Variants in LIN52 observed in about 807,000 individuals in gnomAD.
LIN52 encodes the protein protein lin-52 homolog.
A neutral mutation model predicts 18.5 loss-of-function variants in LIN52; 4 were observed. The observed-to-expected ratio is 0.22, with a 90% CI of 0.11 to 0.49. The LOEUF is 0.49. Among genes scored for constraint, LIN52 ranks in the 20% least tolerant of loss-of-function variants. LIN52 has a pLI of 0.97. For missense variants in LIN52, 102 were observed against 139.5 expected (o/e 0.73, Z 1.35); for synonymous variants, 34 against 45.5 (o/e 0.75, Z 1.02).
In LIN52 at chr14:74,113,759, A is replaced by AT. The variant is rs200315631; in HGVS notation, c.283+12529dup. Among the ~76,000 whole-genome samples the AT allele has an allele frequency of 5.8e-3, 880 of 151,976 alleles. 8 individuals carry two copies. Among genetic ancestry groups the AT allele is most frequent in the African/African-American group, 0.013 (537 of 41,466 alleles). ...CTTTACTAAAAGAGATTTTACTACA[A>AT]TTTTTTTTATTGTAAAAATAAAGAA... On this transcript the variant is annotated intron_variant, in intron 5 of 5. Coordinates refer to ENST00000555028, the MANE Select transcript of LIN52 (RefSeq NM_001024674.3).
intron 5 of LIN52, among the ~76,000 whole-genome samples, chr14:74,129,095 G>A (rs2139935075): frequency 6.6e-6 from 1 of 152,296 alleles, no homozygotes; most frequent in African/African-American, 2.4e-5. Flanking sequence ...GAGTGAGTTA[G>A]TTTTAGTGGG....
chr14:74,137,810 T>C (rs1369230807), intron 5 of LIN52, among the ~76,000 whole-genome samples: 1 of 152,160 alleles, frequency 6.6e-6, no homozygotes, highest in Non-Finnish European at 1.5e-5. Context: ...ACAGTAGCTC[T>C]TTTAATAAAT....
At chr14:74,124,064 T>A (rs1459487780) in intron 5 of LIN52, among the ~76,000 whole-genome samples, 5 of 152,210 alleles carry the variant, frequency 3.3e-5, no homozygotes, top group Admixed American at 3.3e-4. Flanking sequence ...TTTATTTATT[T>A]ATTTTTTTTA....
At chr14:74,113,130 C>T (rs558106744) in intron 5 of LIN52, among the ~76,000 whole-genome samples, 162 of 152,262 alleles carry the variant, frequency 1.1e-3, no homozygotes, top group Admixed American at 2.0e-3. Context: ...CGGTGGCTCA[C>T]GCCTGTAATC....
At chr14:74,138,172 C>T (rs1052193259) in intron 5 of LIN52, among the ~76,000 whole-genome samples, 1 of 152,214 alleles carries the variant, frequency 6.6e-6, no homozygotes, top group African/African-American at 2.4e-5. Flanking sequence ...CACCATGCTC[C>T]CTTTCTGAGC....
intron 5 of LIN52, among the ~76,000 whole-genome samples, chr14:74,131,060 T>G (rs987662081): frequency 1.8e-4 from 28 of 152,268 alleles, no homozygotes; most frequent in African/African-American, 6.7e-4. Flanking sequence ...GTGCTAGGAT[T>G]ACAGGTGTGA....
rs147475594 is a variant in LIN52 at position 74,122,100 on chromosome 14, C to A, written c.283+20862C>A. Among the ~76,000 whole-genome samples the A allele has an allele frequency of 1.5e-4, 23 of 152,196 alleles. 1 individual carries two copies. Among genetic ancestry groups the A allele is most frequent in the African/African-American group, 5.5e-4 (23 of 41,522 alleles). ...TGCTACAGCTTTGACATTATTATAA[C>A]CCAAATTAAAAGAACAGGAGTGTCA... On this transcript the variant is annotated intron_variant, in intron 5 of 5. Coordinates refer to ENST00000555028, the MANE Select transcript of LIN52 (RefSeq NM_001024674.3).
chr14:74,136,806 C>A (rs895379358), intron 5 of LIN52, among the ~76,000 whole-genome samples: 27 of 151,974 alleles, frequency 1.8e-4, no homozygotes, highest in African/African-American at 5.8e-4. Flanking sequence ...CAGCAGCTGC[C>A]CCCCTTAATC....
chr14:74,101,107 A>T, intron 4 of LIN52, 48 bp from the exon 5 acceptor site: 1 of 1,487,666 alleles, frequency 6.7e-7, no homozygotes, highest in Non-Finnish European at 9.3e-7. Flanking sequence ...AGTTGCTACT[A>T]GAGAAGAGTG....
At position 74,166,278 on chromosome 14, in the gene LIN52, G is replaced by A. The variant is rs187112699; in HGVS notation, c.284-32644G>A. 4.1e-4 allele frequency among the ~76,000 whole-genome samples: 61 copies of A among 148,478 alleles called. No homozygotes were observed. The East Asian group carries it at 6.1e-3, about 15-fold the overall frequency. The stretch of plus-strand genomic sequence containing the variant: ...GTTGCCCAGGTTGGAGTGCAATGGC[G>A]CGATCTCAGCTCACCGCAACCTCCG... On this transcript the variant is annotated intron_variant, in intron 5 of 5. Transcript: ENST00000555028.
intron 5 of LIN52, among the ~76,000 whole-genome samples, chr14:74,177,289 C>T (rs759854252): frequency 4.6e-5 from 7 of 152,144 alleles, no homozygotes; most frequent in Non-Finnish European, 1.0e-4. Flanking sequence ...TGACCTACTG[C>T]GCCCGGCCTG....
At chr14:74,114,027 C>A in intron 5 of LIN52, 1 of 350,698 alleles carries the variant, frequency 2.9e-6, no homozygotes, top group Non-Finnish European at 4.0e-6. Context: ...GTCACCCAGG[C>A]TGGAGTGCAA....
At chr14:74,158,114 T>C (rs1396431656) in intron 5 of LIN52, among the ~76,000 whole-genome samples, 4 of 57,628 alleles carry the variant, frequency 6.9e-5, no homozygotes, top group Admixed American at 6.3e-4. Context: ...GCTATATATA[T>C]ATATATATAT....
At chr14:74,186,055 G>A (rs1341643164) in intron 5 of LIN52, among the ~76,000 whole-genome samples, 1 of 152,124 alleles carries the variant, frequency 6.6e-6, no homozygotes, top group African/African-American at 2.4e-5. Context: ...TTGGGAAGCC[G>A]AGGTGGCTGG....
chr14:74,195,817 C>T (rs1449600814), intron 5 of LIN52, among the ~76,000 whole-genome samples: 1 of 152,154 alleles, frequency 6.6e-6, no homozygotes, highest in Non-Finnish European at 1.5e-5. Context: ...CGGTAAGAAT[C>T]TTCGCCCTGC....
Position 74,113,131 on chromosome 14 carries a change from G to A in LIN52, c.283+11893G>A, listed in dbSNP as rs568550695. Among the ~76,000 whole-genome samples the A allele has an allele frequency of 3.9e-5, 6 of 152,272 alleles. No homozygotes were observed. The South Asian group carries it at 1.2e-3, about 32-fold the overall frequency. On this transcript the variant is annotated intron_variant, in intron 5 of 5. Coordinates refer to ENST00000555028, the MANE Select transcript of LIN52 (RefSeq NM_001024674.3). ...AACCTGGCCAGGTGCGGTGGCTCAC[G>A]CCTGTAATCCCAGCACTTTGGAAGG...
intron 5 of LIN52, among the ~76,000 whole-genome samples, chr14:74,156,828 C>G (rs748345551): frequency 3.3e-5 from 5 of 152,116 alleles, no homozygotes; most frequent in Non-Finnish European, 7.3e-5. Context: ...CCTCCAGTAA[C>G]CACTATTCTA....
chr14:74,107,320 T>C (rs2060902883), intron 5 of LIN52, among the ~76,000 whole-genome samples: 1 of 152,224 alleles, frequency 6.6e-6, no homozygotes, highest in African/African-American at 2.4e-5. Flanking sequence ...GTTTCAATAC[T>C]ACATTGCTTC....
In LIN52 at chr14:74,105,797, A is replaced by G. The variant is rs1482585666; in HGVS notation, c.283+4559A>G. On this transcript the variant is annotated intron_variant, in intron 5 of 5. Transcript: ENST00000555028. ...ACTGATAAAGATGATGGAAAGAAAA[A>G]AAATGCAAAAAATATTTGTCCTCAA... Among the ~76,000 whole-genome samples the G allele has an allele frequency of 2.0e-5, 3 of 152,358 alleles. No homozygotes were observed. The East Asian group carries it at 5.8e-4, about 29-fold the overall frequency.
Sources: allele counts gnomAD v4.1 joint callset (sites outside exome capture counted in the v4.1 genomes callset), GRCh38; gene constraint gnomAD v4.1.1; transcripts MANE v1.5; gene names NCBI Gene and HGNC (gene_info 2026-07-23, HGNC 2026-07-21).